FHIP1A: variants seen among roughly 807,000 people sequenced by gnomAD.
The protein encoded by FHIP1A is FHF complex subunit HOOK interacting protein 1A, also known as FHF complex subunit HOOK-interacting protein 1A.
FHIP1A carries 61 observed loss-of-function variants against 88.6 expected under a neutral mutation model. The observed-to-expected ratio is 0.69, with a 90% CI of 0.56 to 0.85. The LOEUF (loss-of-function observed/expected upper bound fraction) is 0.85. Among genes scored for constraint, FHIP1A ranks in the 40% least tolerant of loss-of-function variants. The probability of loss-of-function intolerance (pLI) is 0.00; values close to 1 mark genes in which losing one functional copy is unlikely to be tolerated. For synonymous variants in FHIP1A, 478 were observed against 496.0 expected, an observed-to-expected ratio of 0.96 and a Z score of 0.48; for missense variants, 1,154 against 1,273.5, an observed-to-expected ratio of 0.91 and a Z score of 1.43.
intron 3 of FHIP1A, among the ~76,000 whole-genome samples, chr4:151,539,669 C>G (rs1732203975): frequency 6.6e-6 from 1 of 151,724 alleles, no homozygotes; most frequent in African/African-American, 2.4e-5. Context: ...TACATTGACT[C>G]TCATGCCCAC....
chr4:151,602,955 T>G lies in FHIP1A; in HGVS notation c.978+14029T>G, dbSNP rs114331395. Among the ~76,000 whole-genome samples, 851 of 152,324 alleles carry G rather than the reference T, an allele frequency of 5.6e-3. 7 individuals are homozygous for G. The highest frequency in any genetic ancestry group is 0.019 in the African/African-American group (805 of 41,566). The stretch of plus-strand genomic sequence containing the variant: ...CCTAAAAGAGATGACTGCTTCTCCC[T>G]TAAGGACTATACCCAGCTTTTTCCT... On this transcript the variant is annotated intron_variant, in intron 7 of 13. Coordinates refer to ENST00000435205, the MANE Select transcript of FHIP1A (RefSeq NM_001109977.3).
chr4:151,415,342 A>G (rs931786312), intron 1 of FHIP1A, among the ~76,000 whole-genome samples: 3 of 152,018 alleles, frequency 2.0e-5, no homozygotes, highest in African/African-American at 7.3e-5. Flanking sequence ...GTGCATCACC[A>G]TGTCTGGCTA....
intron 4 of FHIP1A, among the ~76,000 whole-genome samples, chr4:151,572,158 G>T (rs1337470472): frequency 6.6e-6 from 1 of 152,214 alleles, no homozygotes; most frequent in Non-Finnish European, 1.5e-5. Flanking sequence ...AGTGAGCTGA[G>T]ATTGCACCAT....
At chr4:151,519,800 A>G (rs984876385) in intron 3 of FHIP1A, among the ~76,000 whole-genome samples, 9 of 152,092 alleles carry the variant, frequency 5.9e-5, no homozygotes, top group Non-Finnish European at 1.0e-4. Flanking sequence ...CTGTTGCTCC[A>G]TATCCTGGGG....
At chr4:151,551,439 T>C (rs1008176832) in intron 3 of FHIP1A, among the ~76,000 whole-genome samples, 4 of 152,048 alleles carry the variant, frequency 2.6e-5, no homozygotes, top group African/African-American at 9.7e-5. Context: ...AACTATACTA[T>C]AAGGCTACAG....
rs992476529 is a variant in FHIP1A, at chr4:151,445,782, G to A, written c.-355-8919G>A. ...AGGCAGGAGGATTGCTTGAATCTAG[G>A]AGTTTGAGGCTGCAGTGACCTATGA... On this transcript the variant is annotated intron_variant, in intron 1 of 13. Transcript: ENST00000435205. 2.7e-5 allele frequency among the ~76,000 whole-genome samples: 4 copies of A among 147,738 alleles called. No homozygotes were observed. In the Admixed American group the frequency reaches 2.7e-4, roughly 10 times the overall value.
chr4:151,535,786 A>G (rs1039586668), intron 3 of FHIP1A, among the ~76,000 whole-genome samples: 8 of 152,244 alleles, frequency 5.3e-5, no homozygotes, highest in Admixed American at 2.0e-4. Flanking sequence ...TATCTTGACT[A>G]TCATTCCAGG....
At chr4:151,590,411 C>T (rs912121920) in intron 7 of FHIP1A, among the ~76,000 whole-genome samples, 1 of 152,242 alleles carries the variant, frequency 6.6e-6, no homozygotes, top group East Asian at 1.9e-4. Flanking sequence ...GCTCTTTATT[C>T]ATAATTGAGG....
chr4:151,456,630 CT>C (rs1349831321), intron 2 of FHIP1A, among the ~76,000 whole-genome samples: 11 of 152,002 alleles, frequency 7.2e-5, no homozygotes, highest in Admixed American at 7.2e-4. Flanking sequence ...GAAAGTATAA[CT>C]TTTATAGAGC....
chr4:151,525,044 C>T (rs1477891850), intron 3 of FHIP1A, among the ~76,000 whole-genome samples: 1 of 152,168 alleles, frequency 6.6e-6, no homozygotes, highest in African/African-American at 2.4e-5. Flanking sequence ...AAAGATCATT[C>T]TAGCATTGCT....
In FHIP1A at chr4:151,649,787, C is replaced by T; in HGVS notation, c.1746C>T (p.Ser582=). The T allele has an allele frequency of 7.1e-6, 11 of 1,551,698 alleles. No homozygotes were observed. The highest frequency in any genetic ancestry group is 9.6e-6 in the Non-Finnish European group (11 of 1,146,976). ...AGACAGAGCTGGAATGGGATGACAG[C>T]TATGACACTGGAATCTCCTCAGGGG... The part of the protein sequence containing the change: ...KSQTELEWDD[S]YDTGISSGAD... Residue 582 remains serine (S), a synonymous_variant, in exon 11 of 14, where the codon AGC becomes AGT. Coordinates refer to ENST00000435205, the MANE Select transcript of FHIP1A (RefSeq NM_001109977.3).
intron 1 of FHIP1A, among the ~76,000 whole-genome samples, chr4:151,426,045 G>A (rs1230052785): frequency 2.0e-5 from 3 of 152,058 alleles, no homozygotes; most frequent in Non-Finnish European, 4.4e-5. Flanking sequence ...ATCTCTTTGG[G>A]ACGTAATTTT....
At chr4:151,478,087 G>T (rs1729769370) in intron 2 of FHIP1A, among the ~76,000 whole-genome samples, 1 of 151,968 alleles carries the variant, frequency 6.6e-6, no homozygotes. Context: ...GTTTATAATG[G>T]CTAAAGGTTG....
intron 13 of FHIP1A, among the ~76,000 whole-genome samples, chr4:151,657,154 C>G (rs539438819): frequency 1.3e-5 from 2 of 152,212 alleles, no homozygotes; most frequent in African/African-American, 4.8e-5. Flanking sequence ...AGAGTGGTGC[C>G]TGCAAGGAGC....
intron 1 of FHIP1A, among the ~76,000 whole-genome samples, chr4:151,414,046 G>GTTT (rs111719663): frequency 1.3e-5 from 2 of 150,474 alleles, no homozygotes; most frequent in Non-Finnish European, 1.5e-5. Flanking sequence ...TATCTAGTTA[G>GTTT]TGTTTGTTTG....
At chr4:151,648,138 G>T (rs1736866285) in intron 10 of FHIP1A, among the ~76,000 whole-genome samples, 1 of 152,160 alleles carries the variant, frequency 6.6e-6, no homozygotes, top group Admixed American at 6.5e-5. Context: ...GCCTAAGAAA[G>T]TAGCAGAGCC....
At chr4:151,451,102 AT>A (rs1477414897) in intron 1 of FHIP1A, among the ~76,000 whole-genome samples, 4 of 152,080 alleles carry the variant, frequency 2.6e-5, no homozygotes, top group Non-Finnish European at 5.9e-5. Context: ...TAAATTAAGA[AT>A]GAGACTCAGT....
At chr4:151,521,951 C>T (rs1731462018) in intron 3 of FHIP1A, among the ~76,000 whole-genome samples, 1 of 152,128 alleles carries the variant, frequency 6.6e-6, no homozygotes, top group Admixed American at 6.6e-5. Flanking sequence ...GTCTCAAACT[C>T]CTAGGCTCAA....
At chr4:151,653,934 T>A (rs994915718) in intron 11 of FHIP1A, among the ~76,000 whole-genome samples, 1 of 151,984 alleles carries the variant, frequency 6.6e-6, no homozygotes, top group Non-Finnish European at 1.5e-5. Context: ...AGGTGGGGAG[T>A]CTATCTGTCC....
Sources: allele counts gnomAD v4.1 joint callset (sites outside exome capture counted in the v4.1 genomes callset), GRCh38; gene constraint gnomAD v4.1.1; transcripts MANE v1.5; gene names NCBI Gene and HGNC (gene_info 2026-07-23, HGNC 2026-07-21).